Variants in SEC62 observed in about 807,000 individuals in gnomAD.
SEC62 encodes the protein SEC62 preprotein translocation factor, also known as translocation protein SEC62.
In SEC62, 10 loss-of-function variants were observed where a neutral mutation model predicts 47.5. That is an observed-to-expected ratio of 0.21 (90% CI 0.13 to 0.36). The LOEUF (loss-of-function observed/expected upper bound fraction) is 0.36, where lower values mean the gene tolerates loss of function less well. SEC62 is among the 10% of genes least tolerant of loss of function. SEC62 has a pLI of 1.00. For synonymous variants in SEC62, 136 were observed against 150.5 expected (o/e 0.90, Z 0.71); for missense variants, 327 against 464.1 (o/e 0.70, Z 2.71).
rs186875341 is a variant in SEC62 at position 169,973,057 on chromosome 3, A to T, written c.37-2551A>T. Among the ~76,000 whole-genome samples, 117 of 152,332 alleles carry T rather than the reference A, an allele frequency of 7.7e-4. 2 individuals carry two copies. Among genetic ancestry groups the T allele is most frequent in the Admixed American group, 6.1e-3 (93 of 15,302 alleles). On this transcript the variant is annotated intron_variant, in intron 1 of 7. Transcript: ENST00000337002. ...TATATAATAGAATTGGTTTCTATAA[A>T]CCATTTATAGTATTCAACTTTTATA...
chr3:169,982,787 A>T lies in SEC62; in HGVS notation c.332A>T (p.Asp111Val), dbSNP rs372456767. The T allele has an allele frequency of 1.0e-5, 16 of 1,603,972 alleles. No homozygotes were observed. The highest frequency in any genetic ancestry group is 1.4e-5 in the Non-Finnish European group (16 of 1,174,344). The stretch of plus-strand genomic sequence containing the variant: ...GATAAAGACATAAAGAAAGAAAAAG[A>T]TAAAGGAAAAGCTGAAAGTGGAAAA... Reference protein sequence around the residue: ...KYDKDIKKEKDKGKAESGKEE... With the variant: ...KYDKDIKKEKVKGKAESGKEE... Residue 111 changes from aspartate to valine, a missense_variant, in exon 4 of 8, where the codon GAT (aspartate) becomes GTT (valine). This residue lies in a region of SEC62 where 126 missense variants were observed against 161.2 expected (regional missense o/e 0.78). Transcript: ENST00000337002.
chr3:169,997,442 AC>A lies in SEC62; in HGVS notation c.*4380del, dbSNP rs1235114255. On this transcript the variant is annotated 3_prime_UTR_variant, in exon 8 of 8. Transcript: ENST00000337002. ...TCACTTTAACTTTTTTGTGTCATGGACTCCTCAGAATAATGGGTTTTTTTTG... is the reference window on the plus strand; with the variant it reads ...TCACTTTAACTTTTTTGTGTCATGGATCCTCAGAATAATGGGTTTTTTTTG... 6.6e-6 allele frequency: 1 copy of A among 151,674 alleles called. No homozygotes were observed. Among genetic ancestry groups the A allele is most frequent in the Non-Finnish European group, 1.5e-5 (1 of 67,954 alleles). The allele number at this position is 151,674 out of a possible 1,614,324, so 9.4% of individuals were successfully genotyped here.
rs951702312 is a variant in SEC62, at chr3:169,994,866, TAAAG to T, written c.*1805_*1808del. 6.6e-6 allele frequency: 1 copy of T among 152,190 alleles called. No individual in the cohort carries two copies. The highest frequency in any genetic ancestry group is 1.5e-5 in the Non-Finnish European group (1 of 68,006). 9.4% of individuals were successfully genotyped at this position (152,190 alleles called of 1,614,324 possible). On this transcript the variant is annotated 3_prime_UTR_variant, in exon 8 of 8. Transcript: ENST00000337002. ...ATAATATATGTAATTTGTCTAGTCT[TAAAG>T]ACATTTGGAGCATGGCCAACAGGAA...
At chr3:169,990,712 A>C (rs559333638) in intron 7 of SEC62, among the ~76,000 whole-genome samples, 1 of 152,156 alleles carries the variant, frequency 6.6e-6, no homozygotes, top group Non-Finnish European at 1.5e-5. Flanking sequence ...ATTTATTCTT[A>C]AATCATAATT....
intron 2 of SEC62, among the ~76,000 whole-genome samples, chr3:169,976,171 A>G (rs1714831504): frequency 6.6e-6 from 1 of 152,132 alleles, no homozygotes; most frequent in Non-Finnish European, 1.5e-5. Context: ...CCAAGGCAGG[A>G]GGGTTGCTTG....
rs576342666 is a variant in SEC62 at position 169,990,428 on chromosome 3, A to G, written c.730+2069A>G. On this transcript the variant is annotated intron_variant, in intron 7 of 7. Coordinates refer to ENST00000337002, the MANE Select transcript of SEC62 (RefSeq NM_003262.4). ...TAGCATAGGAATGTTATTATAGTACATGTCACAGCTTCCCCATAATTCTTC... is the reference window on the plus strand; with the variant it reads ...TAGCATAGGAATGTTATTATAGTACGTGTCACAGCTTCCCCATAATTCTTC... Among the ~76,000 whole-genome samples the G allele has an allele frequency of 2.6e-5, 4 of 152,210 alleles. No homozygotes were observed. The South Asian group carries it at 8.3e-4, about 32-fold the overall frequency.
At chr3:169,986,807 A>G (rs928199037) in intron 6 of SEC62, among the ~76,000 whole-genome samples, 3 of 152,122 alleles carry the variant, frequency 2.0e-5, no homozygotes, top group African/African-American at 7.2e-5. Flanking sequence ...GGCTCACTGC[A>G]GCCCGACTTG....
intron 3 of SEC62, among the ~76,000 whole-genome samples, chr3:169,977,886 C>T (rs1016282760): frequency 1.3e-5 from 2 of 152,200 alleles, no homozygotes; most frequent in Non-Finnish European, 1.5e-5. Context: ...ACCACTATTT[C>T]ACAACCTGGT....
Position 169,988,201 on chromosome 3 carries a change from T to C in SEC62, c.611-39T>C, listed in dbSNP as rs190031598. 3.7e-6 allele frequency: 6 copies of C among 1,611,646 alleles called. No homozygotes were observed. In the African/African-American group the frequency reaches 6.7e-5, roughly 18 times the overall value. Reference sequence around the variant, plus strand: ...TTAGTGCAGCCATACCATTTAAGTTTTTATTCTAAAATTTAACTTTTGTCA... The same window carrying C: ...TTAGTGCAGCCATACCATTTAAGTTCTTATTCTAAAATTTAACTTTTGTCA... On this transcript the variant is annotated intron_variant, in intron 6 of 7. Transcript: ENST00000337002.
chr3:169,986,712 T>C (rs192806920), intron 6 of SEC62, among the ~76,000 whole-genome samples: 2 of 152,222 alleles, frequency 1.3e-5, no homozygotes, highest in East Asian at 3.9e-4. Context: ...GATGAAGACT[T>C]AATTTTCTCT....
Position 169,967,989 on chromosome 3 carries a change from A to G in SEC62, c.36+1131A>G, listed in dbSNP as rs539391394. The stretch of plus-strand genomic sequence containing the variant: ...TTTAAGTGCTGTGAAAAAGACACAC[A>G]TGATCAGTAAATTTGGAATTTTGGA... On this transcript the variant is annotated intron_variant, in intron 1 of 7. Coordinates refer to ENST00000337002, the MANE Select transcript of SEC62 (RefSeq NM_003262.4). Among the ~76,000 whole-genome samples, 239 of 152,284 alleles carry G rather than the reference A, an allele frequency of 1.6e-3. 1 individual carries two copies. Among genetic ancestry groups the G allele is most frequent in the African/African-American group, 5.5e-3 (230 of 41,558 alleles).
chr3:169,980,990 T>C (rs190603245), intron 3 of SEC62, among the ~76,000 whole-genome samples: 1 of 152,350 alleles, frequency 6.6e-6, no homozygotes, highest in African/African-American at 2.4e-5. Context: ...ATTTTCATTA[T>C]AGATTTTTTT....
In SEC62 at chr3:169,977,058, T is replaced by C; in HGVS notation, c.251+7T>C. The C allele has an allele frequency of 6.4e-7, 1 of 1,573,658 alleles. No individual in the cohort carries two copies. Among genetic ancestry groups the C allele is most frequent in the South Asian group, 1.2e-5 (1 of 86,610 alleles). On this transcript the variant is annotated splice_region_variant and intron_variant, in intron 3 of 7. Coordinates refer to ENST00000337002, the MANE Select transcript of SEC62 (RefSeq NM_003262.4). ...TGGTTGACTACTGCAACAGGTACTG[T>C]TTATTTCTTAGTGAAGAATAACATA... is the stretch of plus-strand genomic sequence containing the variant.
chr3:169,976,937 C>T lies in SEC62; in HGVS notation c.146-9C>T. On this transcript the variant is annotated splice_polypyrimidine_tract_variant and intron_variant, in intron 2 of 7. Coordinates refer to ENST00000337002, the MANE Select transcript of SEC62 (RefSeq NM_003262.4). ...ATGCTAAATTTAAAATAATGAATTT[C>T]TTCTTTAGCTTCAAAAGCAGTGGAC... 6.3e-7 allele frequency: 1 copy of T among 1,578,064 alleles called. No homozygotes were observed. The highest frequency in any genetic ancestry group is 8.7e-7 in the Non-Finnish European group (1 of 1,154,976).
Position 169,975,651 on chromosome 3 carries a change from A to G in SEC62, c.80A>G (p.Tyr27Cys). The G allele has an allele frequency of 6.8e-6, 11 of 1,613,932 alleles. No individual in the cohort carries two copies. Among genetic ancestry groups the G allele is most frequent in the South Asian group, 1.1e-5 (1 of 91,086 alleles). The change falls in exon 2 of 8, where the codon TAT (tyrosine) becomes TGT (cysteine). Residue 27 changes from tyrosine (Y) to cysteine (C), a missense_variant. Tyr to Cys is a radical substitution (Grantham distance 194). Coordinates refer to ENST00000337002, the MANE Select transcript of SEC62 (RefSeq NM_003262.4). ...PSKEEKAVAKYLRFNCPTKST... is the reference protein window; with the variant it reads ...PSKEEKAVAKCLRFNCPTKST... Reference sequence around the variant, plus strand: ...AAAGAAGAGAAGGCTGTGGCCAAGTATCTTCGATTCAACTGTCCAACAAAG... The same window carrying G: ...AAAGAAGAGAAGGCTGTGGCCAAGTGTCTTCGATTCAACTGTCCAACAAAG...
At chr3:169,976,451 A>G (rs561843394) in intron 2 of SEC62, among the ~76,000 whole-genome samples, 1 of 152,280 alleles carries the variant, frequency 6.6e-6, no homozygotes, top group Non-Finnish European at 1.5e-5. Flanking sequence ...ATGATTTGAC[A>G]TTCATTACAA....
intron 3 of SEC62, among the ~76,000 whole-genome samples, chr3:169,979,706 C>T (rs991375856): frequency 6.6e-6 from 1 of 152,192 alleles, no homozygotes; most frequent in Non-Finnish European, 1.5e-5. Context: ...CCAGGCCCTC[C>T]AGCCTTCATC....
chr3:169,980,653 T>A (rs1431390370), intron 3 of SEC62, among the ~76,000 whole-genome samples: 2 of 152,238 alleles, frequency 1.3e-5, no homozygotes, highest in African/African-American at 4.8e-5. Context: ...TTTAAAATTC[T>A]TTATTAAGAA....
intron 1 of SEC62, chr3:169,969,369 C>T (rs768336044): frequency 5.3e-5 from 24 of 456,362 alleles, no homozygotes; most frequent in Non-Finnish European, 4.4e-6. Context: ...CATTACTGGT[C>T]ACTGAAAACC....
Sources: allele counts gnomAD v4.1 joint callset (sites outside exome capture counted in the v4.1 genomes callset), GRCh38; gene constraint gnomAD v4.1.1; regional missense constraint gnomAD v4.1.1; transcripts MANE v1.5; gene names NCBI Gene and HGNC (gene_info 2026-07-23, HGNC 2026-07-21).